Variants in PBK observed in about 807,000 individuals in gnomAD.
PBK encodes the protein lymphokine-activated killer T-cell-originated protein kinase.
In PBK, 22 loss-of-function variants were observed where a neutral mutation model predicts 33.5. That is an observed-to-expected ratio of 0.66 (90% CI 0.47 to 0.94). The LOEUF is 0.94. Among genes scored for constraint, PBK ranks in the 40% least tolerant of loss-of-function variants. The probability of loss-of-function intolerance (pLI) is 0.00; values close to 1 mark genes in which losing one functional copy is unlikely to be tolerated. For synonymous variants in PBK, 129 were observed against 123.8 expected (o/e 1.04, Z -0.28); for missense variants, 376 against 383.4 (o/e 0.98, Z 0.16).
Position 27,837,795 on chromosome 8 carries a change from C to T in PBK, c.-164G>A, listed in dbSNP as rs1806256954. 6.6e-6 allele frequency: 1 copy of T among 152,270 alleles called. No individual in the cohort carries two copies. The highest frequency in any genetic ancestry group is 2.4e-5 in the African/African-American group (1 of 41,464). 9.4% of individuals were successfully genotyped at this position (152,270 alleles called of 1,614,324 possible). A position where few individuals can be genotyped will look rare whatever the true frequency, so the allele number is the denominator to read the frequency against. Reference sequence around the variant, plus strand: ...CACATACGCCCGGCAGCTGCCGTTGCAATTCGAACCCTCCTGGCTTTCAAA... The same window carrying T: ...CACATACGCCCGGCAGCTGCCGTTGTAATTCGAACCCTCCTGGCTTTCAAA... On this transcript the variant is annotated 5_prime_UTR_variant, in exon 1 of 8. Coordinates refer to ENST00000301905, the MANE Select transcript of PBK (RefSeq NM_018492.4).
intron 3 of PBK, among the ~76,000 whole-genome samples, chr8:27,826,041 C>G (rs774796055): frequency 6.6e-6 from 1 of 152,070 alleles, no homozygotes; most frequent in Non-Finnish European, 1.5e-5. Flanking sequence ...AGAATGCTAC[C>G]GACATACAGA....
chr8:27,810,088 C>G lies in PBK; in HGVS notation c.*217G>C. 1 of 509,540 alleles carries G rather than the reference C, an allele frequency of 2.0e-6. No individual in the cohort carries two copies. Among genetic ancestry groups the G allele is most frequent in the Non-Finnish European group, 3.4e-6 (1 of 292,062 alleles). The allele number at this position is 509,540 out of a possible 1,614,324, so 31.6% of individuals were successfully genotyped here. A position where few individuals can be genotyped will look rare whatever the true frequency, so the allele number is the denominator to read the frequency against. On this transcript the variant is annotated 3_prime_UTR_variant, in exon 8 of 8. Transcript: ENST00000301905. ...GAGCAGTATCAAAGTACTTATGTAG[C>G]TAGTTTCTAAAACTTTACAGAAAAC...
intron 6 of PBK, 48 bp downstream of exon 6, chr8:27,820,516 TA>T: frequency 9.0e-7 from 1 of 1,111,954 alleles, no homozygotes; most frequent in Non-Finnish European, 1.3e-6. Context: ...TTTAAAAATG[TA>T]AACACTGTAT....
At chr8:27,834,174 CCCA>C (rs368398304) in intron 1 of PBK, among the ~76,000 whole-genome samples, 45 of 151,986 alleles carry the variant, frequency 3.0e-4, no homozygotes, top group African/African-American at 1.0e-3. Flanking sequence ...ACTACCAGCG[CCCA>C]CCACCACACC....
intron 6 of PBK, chr8:27,812,594 A>C (rs902198779): frequency 6.6e-6 from 1 of 151,102 alleles, no homozygotes; most frequent in Admixed American, 6.6e-5. Context: ...TAATATCCAG[A>C]ATCTACAAAG....
intron 6 of PBK, among the ~76,000 whole-genome samples, chr8:27,817,357 G>C (rs114697968): frequency 1.3e-5 from 2 of 151,888 alleles, no homozygotes; most frequent in Admixed American, 6.6e-5. Flanking sequence ...GTCTTGCTCC[G>C]GCTCAGAAAT....
chr8:27,826,329 C>T (rs776417251), intron 3 of PBK, among the ~76,000 whole-genome samples: 4 of 152,044 alleles, frequency 2.6e-5, no homozygotes, highest in Non-Finnish European at 4.4e-5. Context: ...TTCTGTGCAC[C>T]GATTCATGGG....
intron 3 of PBK, 148 bp downstream of exon 3, chr8:27,827,957 G>T: frequency 2.1e-6 from 1 of 479,214 alleles, no homozygotes; most frequent in Non-Finnish European, 3.7e-6. Context: ...GTTACAAAAG[G>T]GTCTAGGGAC....
intron 5 of PBK, among the ~76,000 whole-genome samples, chr8:27,821,621 T>A (rs1392187613): frequency 2.0e-5 from 3 of 152,210 alleles, no homozygotes; most frequent in Non-Finnish European, 4.4e-5. Flanking sequence ...TTAACTATAC[T>A]TATAAATTGG....
rs1183320234 is a variant in PBK at position 27,819,705 on chromosome 8, CTGTT to C, written c.595+856_595+859del. 2.0e-5 allele frequency among the ~76,000 whole-genome samples: 3 copies of C among 152,228 alleles called. No homozygotes were observed. The East Asian group carries it at 5.8e-4, about 29-fold the overall frequency. ...AGATCTTTAACATCCTTACATTTGT[CTGTT>C]TGCTCTATTAAGCATTGAGAAAAAT... On this transcript the variant is annotated intron_variant, in intron 6 of 7. Coordinates refer to ENST00000301905, the MANE Select transcript of PBK (RefSeq NM_018492.4).
chr8:27,820,841 T>A (rs1002698335), intron 5 of PBK, 147 bp from the exon 6 acceptor site: 76 of 441,294 alleles, frequency 1.7e-4, no homozygotes, highest in Non-Finnish European at 2.0e-4. Flanking sequence ...TTTTTTTTTT[T>A]AAAACGGAGT....
At chr8:27,830,930 A>G (rs192339169) in intron 2 of PBK, among the ~76,000 whole-genome samples, 1 of 152,354 alleles carries the variant, frequency 6.6e-6, no homozygotes, top group Admixed American at 6.5e-5. Flanking sequence ...CTCCATTACT[A>G]TCACATAAAG....
At chr8:27,837,206 C>T (rs1806243022) in intron 1 of PBK, among the ~76,000 whole-genome samples, 1 of 152,154 alleles carries the variant, frequency 6.6e-6, no homozygotes, top group African/African-American at 2.4e-5. Flanking sequence ...TTAAAGTGAG[C>T]AGCGCTCAAG....
chr8:27,831,142 C>T (rs571585735), intron 2 of PBK, among the ~76,000 whole-genome samples: 21 of 152,076 alleles, frequency 1.4e-4, no homozygotes, highest in African/African-American at 5.1e-4. Flanking sequence ...CACTTGAGGC[C>T]AGGAGTTTGA....
intron 3 of PBK, among the ~76,000 whole-genome samples, chr8:27,824,410 AAAG>A (rs928682248): frequency 1.3e-5 from 2 of 152,124 alleles, no homozygotes; most frequent in Non-Finnish European, 2.9e-5. Context: ...CTAATAGAAA[AAAG>A]GCAAATTTCT....
At chr8:27,830,942 G>A (rs1187695108) in intron 2 of PBK, among the ~76,000 whole-genome samples, 1 of 152,092 alleles carries the variant, frequency 6.6e-6, no homozygotes, top group Non-Finnish European at 1.5e-5. Context: ...CACATAAAGT[G>A]GACTCCAGAA....
chr8:27,815,273 G>A (rs997459090), intron 6 of PBK, among the ~76,000 whole-genome samples: 1 of 152,196 alleles, frequency 6.6e-6, no homozygotes, highest in Non-Finnish European at 1.5e-5. Context: ...CATTTATTCC[G>A]TTAACATTTT....
chr8:27,822,395 C>T lies in PBK; in HGVS notation c.389G>A (p.Arg130Gln), dbSNP rs371557868. 1.9e-5 allele frequency: 30 copies of T among 1,613,198 alleles called. No individual in the cohort carries two copies. The highest frequency in any genetic ancestry group is 4.0e-5 in the African/African-American group (3 of 75,008). ...AAAAGGATCTTGGCTGGCTTTATAT[C>T]GTTCTTCTATTAAGTCATTTAGAGA... ...EKSLNDLIEE[R>Q]YKASQDPFPA... The change falls in exon 5 of 8, where the codon CGA becomes CAA. Residue 130 changes from arginine (R) to glutamine (Q), a missense_variant. By Grantham distance (43) the Arg-to-Gln change is conservative. Coordinates refer to ENST00000301905, the MANE Select transcript of PBK (RefSeq NM_018492.4).
At chr8:27,817,409 T>C (rs921524430) in intron 6 of PBK, among the ~76,000 whole-genome samples, 2 of 152,094 alleles carry the variant, frequency 1.3e-5, no homozygotes, top group African/African-American at 4.8e-5. Context: ...CAGACGACAG[T>C]TTGGAAATCT....
Sources: gnomAD v4.1 joint callset for allele counts (sites outside exome capture counted in the v4.1 genomes callset) on GRCh38, gnomAD v4.1.1 for gene constraint, MANE v1.5 for transcripts, NCBI Gene and HGNC (gene_info 2026-07-23, HGNC 2026-07-21) for gene names.